HYKK: variants seen among roughly 807,000 people sequenced by gnomAD.
HYKK encodes 5-hydroxy-L-lysine kinase.
In HYKK, 19 loss-of-function variants were observed where a neutral mutation model predicts 29.7. The observed-to-expected ratio is 0.64, with a 90% CI of 0.45 to 0.94. HYKK has a LOEUF of 0.94. HYKK is among the 40% of genes least tolerant of loss of function. HYKK has a pLI of 0.00. For missense variants in HYKK, 390 were observed against 443.4 expected, an observed-to-expected ratio of 0.88 and a Z score of 1.08; for synonymous variants, 152 against 158.1, an observed-to-expected ratio of 0.96 and a Z score of 0.29.
chr15:78,537,229 C>A, downstream of HYKK: 1 of 519,568 alleles, frequency 1.9e-6, no homozygotes, highest in Non-Finnish European at 3.6e-6. Flanking sequence ...CCTTCCATCC[C>A]ATTGATTCGG....
chr15:78,514,616 G>A (rs1210267300), intron 2 of HYKK, among the ~76,000 whole-genome samples: 1 of 152,142 alleles, frequency 6.6e-6, no homozygotes, highest in Non-Finnish European at 1.5e-5. Context: ...AAGAGTATGT[G>A]TTTTTGCTTT....
chr15:78,515,105 C>A lies in HYKK; in HGVS notation c.475C>A (p.Gln159Lys). The A allele has an allele frequency of 6.4e-7, 1 of 1,562,854 alleles. No homozygotes were observed. Residue 159 changes from glutamine (Q) to lysine (K), a missense_variant and splice_region_variant, in exon 3 of 5, where the codon CAG becomes AAG. By Grantham distance (53) the Gln-to-Lys change is moderately conservative. Transcript: ENST00000388988. The stretch of plus-strand genomic sequence containing the variant: ...AGCTGCCAAATTGGATAAGACACTG[C>A]AGGTAAGATTTGGGGCTTTATTTTA... ...KLAAKLDKTLQRFHHPKLSSL... is the reference protein window; with the variant it reads ...KLAAKLDKTLKRFHHPKLSSL...
At chr15:78,529,646 A>G (rs1435241279) in intron 4 of HYKK, among the ~76,000 whole-genome samples, 1 of 152,186 alleles carries the variant, frequency 6.6e-6, no homozygotes, top group Non-Finnish European at 1.5e-5. Flanking sequence ...TTTATTGGCC[A>G]TTTGAAATAT....
At chr15:78,511,050 C>A (rs2052069200) in intron 1 of HYKK, among the ~76,000 whole-genome samples, 1 of 149,558 alleles carries the variant, frequency 6.7e-6, no homozygotes, top group Non-Finnish European at 1.5e-5. Context: ...TGAGTGTTCT[C>A]CCACCTTGGC....
At chr15:78,520,963 G>A (rs1224168771) in intron 3 of HYKK, among the ~76,000 whole-genome samples, 6 of 151,854 alleles carry the variant, frequency 4.0e-5, no homozygotes, top group Admixed American at 1.3e-4. Context: ...GCCGGGCGGG[G>A]GGCTGACCCC....
At chr15:78,518,784 G>A (rs965370940) in intron 3 of HYKK, 43 of 315,088 alleles carry the variant, frequency 1.4e-4, no homozygotes, top group Admixed American at 5.4e-4. Flanking sequence ...GTATGGTGGC[G>A]GGCGCCTATA....
At chr15:78,524,350 A>G (rs930063629) in intron 3 of HYKK, among the ~76,000 whole-genome samples, 4 of 152,206 alleles carry the variant, frequency 2.6e-5, no homozygotes, top group African/African-American at 9.6e-5. Context: ...TACCCGTACC[A>G]TACCCCTTTG....
chr15:78,528,612 G>A, intron 4 of HYKK: 3 of 628,298 alleles, frequency 4.8e-6, no homozygotes, highest in South Asian at 7.2e-5. Flanking sequence ...AGACTAGCCT[G>A]GCCAACGTGG....
intron 4 of HYKK, among the ~76,000 whole-genome samples, chr15:78,531,282 G>A (rs1028551318): frequency 6.6e-6 from 1 of 152,102 alleles, no homozygotes; most frequent in Non-Finnish European, 1.5e-5. Context: ...GTGGTATTTG[G>A]TAAATTTTTA....
chr15:78,518,366 G>C (rs111809401), intron 3 of HYKK, among the ~76,000 whole-genome samples: 1 of 151,850 alleles, frequency 6.6e-6, no homozygotes, highest in Admixed American at 6.6e-5. Context: ...GTAGAGACAG[G>C]GTTTCACTAT....
In HYKK at chr15:78,515,100, C is replaced by T; in HGVS notation, c.470C>T (p.Thr157Ile). ...AAACTAGCTGCCAAATTGGATAAGA[C>T]ACTGCAGGTAAGATTTGGGGCTTTA... ...IGKLAAKLDK[T>I]LQRFHHPKLS... Residue 157 changes from threonine (T) to isoleucine (I), a missense_variant, in exon 3 of 5, where the codon ACA becomes ATA. By Grantham distance (89) the Thr-to-Ile change is moderately conservative (BLOSUM62 -1). Coordinates refer to ENST00000388988, the MANE Select transcript of HYKK (RefSeq NM_001013619.4). The T allele has an allele frequency of 6.3e-7, 1 of 1,579,174 alleles. No homozygotes were observed. Among genetic ancestry groups the T allele is most frequent in the Non-Finnish European group, 8.6e-7 (1 of 1,164,496 alleles).
intron 3 of HYKK, among the ~76,000 whole-genome samples, chr15:78,520,371 CAGA>C (rs2141358210): frequency 6.6e-6 from 1 of 152,118 alleles, no homozygotes; most frequent in South Asian, 2.1e-4. Flanking sequence ...TTTTCCTAGG[CAGA>C]GGACCCTGCG....
intron 1 of HYKK, among the ~76,000 whole-genome samples, chr15:78,509,528 G>C (rs553962320): frequency 6.6e-6 from 1 of 152,188 alleles, no homozygotes; most frequent in South Asian, 2.1e-4. Context: ...TGCCTCTAAG[G>C]TTCCTTACAA....
At position 78,517,348 on chromosome 15, in the gene HYKK, G is replaced by A. The variant is rs183713059; in HGVS notation, c.477+2241G>A. On this transcript the variant is annotated intron_variant, in intron 3 of 4. Transcript: ENST00000388988. ...CCAGCACTTTGGGAGGCTGAGGCAG[G>A]CGGATCACTTGAGGTCAGGAGTTCA... 5.3e-5 allele frequency among the ~76,000 whole-genome samples: 8 copies of A among 152,202 alleles called. No individual in the cohort carries two copies. The East Asian group carries it at 1.5e-3, about 29-fold the overall frequency.
intron 3 of HYKK, among the ~76,000 whole-genome samples, chr15:78,520,407 C>G (rs1263110316): frequency 6.6e-6 from 1 of 152,054 alleles, no homozygotes; most frequent in East Asian, 1.9e-4. Flanking sequence ...GTTTGTGTCC[C>G]TGGGTACTTA....
Position 78,533,600 on chromosome 15 carries a change from TG to T in HYKK, c.1055del (p.Gly352ValfsTer5). The T allele has an allele frequency of 6.2e-7, 1 of 1,614,214 alleles. No individual in the cohort carries two copies. The highest frequency in any genetic ancestry group is 8.5e-7 in the Non-Finnish European group (1 of 1,180,028). ...GWKHLQQMFDMGQKAVEEIWF... is the reference protein window; with the variant it reads ...GWKHLQQMFDXGQKAVEEIWF... ...AAACACTTACAGCAAATGTTTGACA[TG>T]GGTCAGAAAGCTGTAGAAGAAATCT... On this transcript the variant is annotated frameshift_variant, in exon 5 of 5. Coordinates refer to ENST00000388988, the MANE Select transcript of HYKK (RefSeq NM_001013619.4). LOFTEE classifies it high-confidence loss of function.
chr15:78,512,701 C>T (rs1364742536), intron 1 of HYKK, among the ~76,000 whole-genome samples: 1 of 152,092 alleles, frequency 6.6e-6, no homozygotes, highest in African/African-American at 2.4e-5. Flanking sequence ...CACGTCCAGC[C>T]CCAGAGCTGA....
chr15:78,537,127 G>T (rs2052369651), downstream of HYKK, among the ~76,000 whole-genome samples: 1 of 152,066 alleles, frequency 6.6e-6, no homozygotes, highest in Admixed American at 6.5e-5. Flanking sequence ...GGCTTCACTG[G>T]TTCTTCAGCT....
In HYKK at chr15:78,513,299, G is replaced by C. The variant is rs186329211; in HGVS notation, c.211G>C (p.Ala71Pro). The C allele has an allele frequency of 6.2e-7, 1 of 1,614,158 alleles. No homozygotes were observed. The highest frequency in any genetic ancestry group is 8.5e-7 in the Non-Finnish European group (1 of 1,180,032). Residue 71 changes from alanine to proline, a missense_variant, in exon 2 of 5, where the codon GCT becomes CCT. Coordinates refer to ENST00000388988, the MANE Select transcript of HYKK (RefSeq NM_001013619.4). ...TGTCCTCAAAATAAGCAACACCAAG[G>C]CTAGCAAAAATCCAGACCTGATTGA... The part of the protein sequence containing the change: ...EYVLKISNTK[A>P]SKNPDLIEVQ...
Sources: gnomAD v4.1 joint callset for allele counts (sites outside exome capture counted in the v4.1 genomes callset) on GRCh38, gnomAD v4.1.1 for gene constraint, MANE v1.5 for transcripts, NCBI Gene and HGNC (gene_info 2026-07-23, HGNC 2026-07-21) for gene names.